Variants in HECW2 observed in about 807,000 individuals in gnomAD.
HECW2 encodes the protein E3 ubiquitin-protein ligase HECW2.
Under a neutral mutation model 175.2 loss-of-function variants are expected in HECW2, and 61 were observed. That is an observed-to-expected ratio of 0.35 (90% CI 0.28 to 0.43). The LOEUF (loss-of-function observed/expected upper bound fraction) is 0.43, where lower values mean the gene tolerates loss of function less well. HECW2 is among the 20% of genes least tolerant of loss of function. HECW2 has a pLI of 1.00. For missense variants in HECW2, 1,524 were observed against 2,000.5 expected (o/e 0.76, Z 4.54); for synonymous variants, 671 against 731.0 (o/e 0.92, Z 1.32).
In HECW2 at chr2:196,194,967, A is replaced by G. The variant is rs891360766; in HGVS notation, c.*6310T>C. ...TAATCATTACTATAAAATTAGATTA[A>G]TACTTTCAGTAAGAGGCGAGAGAGA... On this transcript the variant is annotated 3_prime_UTR_variant, in exon 29 of 29. Coordinates refer to ENST00000644978, the MANE Select transcript of HECW2 (RefSeq NM_001348768.2). 3 of 152,222 alleles carry G rather than the reference A, an allele frequency of 2.0e-5. No individual in the cohort carries two copies. The highest frequency in any genetic ancestry group is 2.9e-5 in the Non-Finnish European group (2 of 68,042). The allele number at this position is 152,222 out of a possible 1,614,324, so 9.4% of individuals were successfully genotyped here.
intron 13 of HECW2, among the ~76,000 whole-genome samples, chr2:196,293,251 T>C (rs1690673110): frequency 6.6e-6 from 1 of 152,186 alleles, no homozygotes; most frequent in Non-Finnish European, 1.5e-5. Context: ...GAACATGTGG[T>C]GTTTGGTTTT....
chr2:196,318,613 A>G lies in HECW2; in HGVS notation c.2277T>C (p.Ser759=). 1 of 1,579,736 alleles carries G rather than the reference A, an allele frequency of 6.3e-7. No homozygotes were observed. Among genetic ancestry groups the G allele is most frequent in the Non-Finnish European group, 8.6e-7 (1 of 1,163,340 alleles). Residue 759 remains serine (S), a synonymous_variant, in exon 9 of 29, where the codon AGT becomes AGC. Transcript: ENST00000644978. ...AAESPPQEEG[S]AGEAQGTCEG... ...CACAGGTGCCTTGGGCCTCCCCAGC[A>G]CTGCCTTCTTCTTGCGGTGGGCTCT...
intron 13 of HECW2, among the ~76,000 whole-genome samples, chr2:196,297,058 A>G (rs1052691086): frequency 1.3e-5 from 2 of 152,220 alleles, no homozygotes; most frequent in Non-Finnish European, 2.9e-5. Context: ...CATGATACCT[A>G]TTTCATAACA....
rs758077270 is a variant in HECW2 at position 196,535,971 on chromosome 2, T to C, written c.-36+57537A>G. Among the ~76,000 whole-genome samples, 3 of 152,090 alleles carry C rather than the reference T, an allele frequency of 2.0e-5. No individual in the cohort carries two copies. In the East Asian group the frequency reaches 5.8e-4, roughly 29 times the overall value. On this transcript the variant is annotated intron_variant, in intron 1 of 28. Coordinates refer to ENST00000644978, the MANE Select transcript of HECW2 (RefSeq NM_001348768.2). ...CTAGACTATGAAAAATACAATCAGATTGCTTTCCACTCTAACATCTATCAA... is the reference window on the plus strand; with the variant it reads ...CTAGACTATGAAAAATACAATCAGACTGCTTTCCACTCTAACATCTATCAA...
intron 2 of HECW2, among the ~76,000 whole-genome samples, chr2:196,374,586 G>T (rs758622738): frequency 3.2e-4 from 48 of 152,176 alleles, no homozygotes; most frequent in Non-Finnish European, 6.2e-4. Flanking sequence ...CACTGCCCTT[G>T]CAAATCTATC....
chr2:196,353,105 G>A (rs550047500), intron 2 of HECW2, among the ~76,000 whole-genome samples: 46 of 151,644 alleles, frequency 3.0e-4, no homozygotes, highest in Non-Finnish European at 4.7e-4. Flanking sequence ...TCCCCGCCTC[G>A]CTCCTTACCC....
intron 2 of HECW2, among the ~76,000 whole-genome samples, chr2:196,369,251 C>G (rs941236584): frequency 6.6e-6 from 1 of 151,986 alleles, no homozygotes; most frequent in African/African-American, 2.4e-5. Context: ...TAGGTACCAC[C>G]TTGGTAGTCT....
At chr2:196,357,313 C>A (rs1298119762) in intron 2 of HECW2, among the ~76,000 whole-genome samples, 1 of 137,122 alleles carries the variant, frequency 7.3e-6, no homozygotes, top group Non-Finnish European at 1.5e-5. Flanking sequence ...GTTTGACAAC[C>A]CTGGTGGGGG....
At chr2:196,396,346 T>C (rs137926111) in intron 2 of HECW2, among the ~76,000 whole-genome samples, 5 of 152,344 alleles carry the variant, frequency 3.3e-5, no homozygotes, top group Admixed American at 3.3e-4. Flanking sequence ...TAAACACATA[T>C]AATCAATTCC....
intron 12 of HECW2, among the ~76,000 whole-genome samples, 182 bp downstream of exon 12, chr2:196,306,948 T>C (rs1381500411): frequency 1.3e-5 from 2 of 152,234 alleles, no homozygotes; most frequent in Non-Finnish European, 2.9e-5. Context: ...TTCCTTTCTT[T>C]ATATTAATTA....
chr2:196,312,471 A>AT (rs1482508465), intron 10 of HECW2, among the ~76,000 whole-genome samples: 2 of 152,158 alleles, frequency 1.3e-5, no homozygotes, highest in Admixed American at 6.5e-5. Context: ...GTTTAAAAAT[A>AT]TTTTTTTCTT....
At chr2:196,278,451 C>A in intron 15 of HECW2, 77 bp downstream of exon 15, 14 of 1,354,002 alleles carry the variant, frequency 1.0e-5, no homozygotes, top group South Asian at 2.9e-5. Flanking sequence ...TTAAAAAAAT[C>A]AGTCAAATTC....
chr2:196,357,552 A>G (rs1350218736), intron 2 of HECW2, among the ~76,000 whole-genome samples: 1 of 152,220 alleles, frequency 6.6e-6, no homozygotes, highest in Admixed American at 6.5e-5. Flanking sequence ...CATTTTTACT[A>G]TAGCACTAGT....
At chr2:196,288,535 G>A (rs4850695) in intron 14 of HECW2, 96,257 of 152,060 alleles carry the variant, frequency 0.63, 34,521 homozygotes, top group East Asian at 0.95. Flanking sequence ...GAGACCAGCC[G>A]TTCCTTAAGA....
chr2:196,266,822 T>A (rs1689535269), intron 17 of HECW2, among the ~76,000 whole-genome samples: 1 of 152,130 alleles, frequency 6.6e-6, no homozygotes, highest in African/African-American at 2.4e-5. Flanking sequence ...AATAAAAAAA[T>A]TAAGAGTAAA....
chr2:196,471,701 G>A (rs1048861789), intron 1 of HECW2, among the ~76,000 whole-genome samples: 9 of 152,058 alleles, frequency 5.9e-5, no homozygotes, highest in African/African-American at 2.2e-4. Context: ...TATCCTAAGT[G>A]AATTGATGCA....
At chr2:196,472,564 A>T (rs1697253433) in intron 1 of HECW2, among the ~76,000 whole-genome samples, 1 of 151,772 alleles carries the variant, frequency 6.6e-6, no homozygotes, top group Admixed American at 6.6e-5. Context: ...ATGGAAATTT[A>T]AAAAGGCAGA....
At chr2:196,527,639 T>G (rs1428146264) in intron 1 of HECW2, among the ~76,000 whole-genome samples, 1 of 152,210 alleles carries the variant, frequency 6.6e-6, no homozygotes, top group Non-Finnish European at 1.5e-5. Context: ...CATTGAATAA[T>G]TTAAAACAGT....
intron 1 of HECW2, among the ~76,000 whole-genome samples, chr2:196,473,265 C>A (rs149505750): frequency 6.6e-6 from 1 of 152,244 alleles, no homozygotes; most frequent in African/African-American, 2.4e-5. Flanking sequence ...CATTGGGCCA[C>A]AAGAAGAAAA....
Sources: allele counts gnomAD v4.1 joint callset (sites outside exome capture counted in the v4.1 genomes callset), GRCh38; gene constraint gnomAD v4.1.1; transcripts MANE v1.5; gene names NCBI Gene and HGNC (gene_info 2026-07-23, HGNC 2026-07-21).